Variants in ARHGAP26 observed in about 807,000 individuals in gnomAD.
The protein encoded by ARHGAP26 is rho GTPase-activating protein 26.
Under a neutral mutation model 104.8 loss-of-function variants are expected in ARHGAP26, and 38 were observed. The observed-to-expected ratio is 0.36, with a 90% CI of 0.28 to 0.48. The LOEUF (loss-of-function observed/expected upper bound fraction) is 0.48. Ranked by LOEUF, ARHGAP26 falls within the 20% of genes least tolerant of loss-of-function variation. The probability of loss-of-function intolerance (pLI) is 0.99; values close to 1 mark genes in which losing one functional copy is unlikely to be tolerated. For synonymous variants in ARHGAP26, 341 were observed against 340.0 expected (o/e 1.00, Z -0.03); for missense variants, 704 against 947.9 (o/e 0.74, Z 3.38).
At chr5:143,101,342 G>A (rs976420994) in intron 17 of ARHGAP26, among the ~76,000 whole-genome samples, 1 of 152,158 alleles carries the variant, frequency 6.6e-6, no homozygotes, top group African/African-American at 2.4e-5. Context: ...CAGTGCTGGG[G>A]ACCAACAGGT....
intron 2 of ARHGAP26, 30 bp from the exon 3 acceptor site, chr5:142,875,080 T>G: frequency 8.7e-6 from 14 of 1,601,102 alleles, no homozygotes; most frequent in Non-Finnish European, 1.2e-5. Flanking sequence ...TGACACTCCT[T>G]CCACCTCATG....
At chr5:143,058,176 T>C (rs570231659) in intron 17 of ARHGAP26, 1 of 423,498 alleles carries the variant, frequency 2.4e-6, no homozygotes, top group East Asian at 4.4e-5. Flanking sequence ...ACTCTGTTAT[T>C]AACCTGCTGC....
intron 11 of ARHGAP26, among the ~76,000 whole-genome samples, chr5:143,003,693 T>G (rs894777846): frequency 5.3e-5 from 8 of 152,140 alleles, no homozygotes; most frequent in Non-Finnish European, 5.9e-5. Flanking sequence ...AGGAAATATT[T>G]GTGGAGTAAG....
chr5:142,950,439 A>G (rs993967272), intron 11 of ARHGAP26, among the ~76,000 whole-genome samples: 2 of 151,964 alleles, frequency 1.3e-5, no homozygotes, highest in Non-Finnish European at 2.9e-5. Flanking sequence ...TAAAAGTTGT[A>G]CTTGCAAGAA....
chr5:143,057,492 G>T, intron 16 of ARHGAP26, 150 bp from the exon 17 acceptor site: 1 of 640,038 alleles, frequency 1.6e-6, no homozygotes, highest in Non-Finnish European at 2.7e-6. Flanking sequence ...AGTCATGCTG[G>T]CCACGCAGTA....
intron 11 of ARHGAP26, among the ~76,000 whole-genome samples, chr5:142,985,604 C>T (rs1774584493): frequency 6.6e-6 from 1 of 151,050 alleles, no homozygotes; most frequent in Non-Finnish European, 1.5e-5. Context: ...GTGCTGCACC[C>T]ATTAACTTGT....
At chr5:142,840,696 A>G (rs1188565896) in intron 1 of ARHGAP26, among the ~76,000 whole-genome samples, 1 of 152,214 alleles carries the variant, frequency 6.6e-6, no homozygotes, top group Non-Finnish European at 1.5e-5. Context: ...GAGGAGTTTC[A>G]CTTAGCCTCT....
intron 17 of ARHGAP26, among the ~76,000 whole-genome samples, chr5:143,080,478 A>C (rs1598920331): frequency 6.6e-6 from 1 of 152,168 alleles, no homozygotes; most frequent in Non-Finnish European, 1.5e-5. Flanking sequence ...CTCTCTGAGG[A>C]GGTAGCATTT....
At chr5:143,041,563 C>A in intron 13 of ARHGAP26, 1 of 374,390 alleles carries the variant, frequency 2.7e-6, no homozygotes, top group Non-Finnish European at 5.2e-6. Flanking sequence ...GAAAGGAAAG[C>A]TTCTTTCGCC....
intron 20 of ARHGAP26, among the ~76,000 whole-genome samples, chr5:143,152,983 C>A (rs555092937): frequency 1.3e-5 from 2 of 152,148 alleles, no homozygotes; most frequent in Non-Finnish European, 2.9e-5. Context: ...GTTTAATATG[C>A]AGTGATAGTA....
chr5:142,985,154 A>AAAT (rs776750147), intron 11 of ARHGAP26, among the ~76,000 whole-genome samples: 1 of 152,152 alleles, frequency 6.6e-6, no homozygotes, highest in Non-Finnish European at 1.5e-5. Context: ...TTAAAAAGGA[A>AAAT]AATAATAATA....
chr5:142,854,561 A>G (rs1752042193), intron 1 of ARHGAP26, among the ~76,000 whole-genome samples: 1 of 152,226 alleles, frequency 6.6e-6, no homozygotes, highest in Non-Finnish European at 1.5e-5. Flanking sequence ...AATATATGAC[A>G]CTGTTATAAT....
chr5:142,910,955 G>A (rs1392751311), intron 9 of ARHGAP26, among the ~76,000 whole-genome samples: 1 of 152,130 alleles, frequency 6.6e-6, no homozygotes, highest in Non-Finnish European at 1.5e-5. Flanking sequence ...CTAGATAATT[G>A]GGTGTTTTCT....
chr5:143,070,784 C>T (rs910433418), intron 17 of ARHGAP26, among the ~76,000 whole-genome samples: 29 of 152,062 alleles, frequency 1.9e-4, no homozygotes, highest in Admixed American at 1.6e-3. Context: ...GTGGTGTGCA[C>T]CTGTAGTCCC....
intron 11 of ARHGAP26, among the ~76,000 whole-genome samples, chr5:142,979,172 A>C (rs952667898): frequency 1.3e-5 from 2 of 152,238 alleles, no homozygotes; most frequent in African/African-American, 4.8e-5. Flanking sequence ...GATGAAAAAA[A>C]CGTTATTAGC....
chr5:142,920,205 C>T (rs1319688881), intron 10 of ARHGAP26, among the ~76,000 whole-genome samples: 2 of 152,120 alleles, frequency 1.3e-5, no homozygotes, highest in Non-Finnish European at 2.9e-5. Context: ...AAAAATGGGA[C>T]ATGATTTCAA....
At chr5:143,148,310 A>G (rs528808360) in intron 20 of ARHGAP26, among the ~76,000 whole-genome samples, 1 of 152,256 alleles carries the variant, frequency 6.6e-6, no homozygotes, top group African/African-American at 2.4e-5. Flanking sequence ...CTGCTCCTCC[A>G]CATGCCATAG....
intron 18 of ARHGAP26, among the ~76,000 whole-genome samples, chr5:143,125,049 G>A (rs899939180): frequency 1.4e-4 from 22 of 152,150 alleles, no homozygotes; most frequent in African/African-American, 4.6e-4. Context: ...GTGAGCCTTG[G>A]TATGGAGAAC....
chr5:143,167,144 A>G (rs1802075913), intron 20 of ARHGAP26, among the ~76,000 whole-genome samples: 1 of 152,044 alleles, frequency 6.6e-6, no homozygotes, highest in Admixed American at 6.6e-5. Context: ...CTTTGAAGGT[A>G]GAAAAATGTG....
Sources: allele counts gnomAD v4.1 joint callset (sites outside exome capture counted in the v4.1 genomes callset), GRCh38; gene constraint gnomAD v4.1.1; transcripts MANE v1.5; gene names NCBI Gene and HGNC (gene_info 2026-07-23, HGNC 2026-07-21).